The following TMEM117 variants were observed in gnomAD, a reference collection of about 807,000 sequenced individuals.
TMEM117 encodes the protein transmembrane protein 117.
Under a neutral mutation model 52.4 loss-of-function variants are expected in TMEM117, and 27 were observed. The observed-to-expected ratio is 0.51, with a 90% CI of 0.38 to 0.71. The LOEUF is 0.71. Ranked by LOEUF, TMEM117 falls within the 30% of genes least tolerant of loss-of-function variation. The probability of loss-of-function intolerance (pLI) is 0.00; values close to 1 mark genes in which losing one functional copy is unlikely to be tolerated. For synonymous variants in TMEM117, 215 were observed against 206.3 expected (o/e 1.04, Z -0.36); for missense variants, 556 against 630.5 (o/e 0.88, Z 1.26).
chr12:44,106,178 G>C (rs1047909756), intron 3 of TMEM117, among the ~76,000 whole-genome samples: 1 of 152,072 alleles, frequency 6.6e-6, no homozygotes, highest in Non-Finnish European at 1.5e-5. Flanking sequence ...AATCCAAGAA[G>C]AGTTGTTGAT....
intron 2 of TMEM117, among the ~76,000 whole-genome samples, chr12:43,894,480 G>A (rs978371662): frequency 6.6e-6 from 1 of 151,946 alleles, no homozygotes; most frequent in African/African-American, 2.4e-5. Flanking sequence ...GGGGTTGGTT[G>A]TACAGATTAT....
intron 3 of TMEM117, among the ~76,000 whole-genome samples, chr12:43,976,949 C>T (rs1404275434): frequency 6.6e-6 from 1 of 152,028 alleles, no homozygotes; most frequent in Non-Finnish European, 1.5e-5. Flanking sequence ...TTACTTGGCA[C>T]CTCAGTTCAA....
At chr12:44,102,386 G>A (rs1483067197) in intron 3 of TMEM117, among the ~76,000 whole-genome samples, 1 of 151,996 alleles carries the variant, frequency 6.6e-6, no homozygotes, top group Non-Finnish European at 1.5e-5. Flanking sequence ...CCTGAATGTG[G>A]AGAAGTGAGT....
intron 4 of TMEM117, among the ~76,000 whole-genome samples, chr12:44,171,165 G>A (rs925121262): frequency 2.2e-4 from 33 of 151,802 alleles, no homozygotes; most frequent in African/African-American, 6.8e-4. Context: ...ACAGGCGCCC[G>A]CCACTACGCC....
chr12:44,146,859 A>G (rs547397439), intron 4 of TMEM117, among the ~76,000 whole-genome samples: 26 of 152,306 alleles, frequency 1.7e-4, no homozygotes, highest in African/African-American at 5.8e-4. Context: ...TCTGAAATGG[A>G]GGATTTTTCT....
chr12:44,217,483 C>T (rs188708503), intron 5 of TMEM117, among the ~76,000 whole-genome samples: 1 of 152,282 alleles, frequency 6.6e-6, no homozygotes, highest in Admixed American at 6.5e-5. Flanking sequence ...TTCTTCATTT[C>T]CCCTGCTGTC....
At chr12:44,344,731 G>A (rs1328039655) in intron 6 of TMEM117, among the ~76,000 whole-genome samples, 1 of 151,970 alleles carries the variant, frequency 6.6e-6, no homozygotes. Flanking sequence ...AAACTGTTGG[G>A]GACAGAGTCC....
chr12:43,991,253 G>C (rs1171937546), intron 3 of TMEM117, among the ~76,000 whole-genome samples: 1 of 152,160 alleles, frequency 6.6e-6, no homozygotes, highest in Non-Finnish European at 1.5e-5. Context: ...CGGAATGTTA[G>C]TATTATTAGG....
At chr12:44,111,783 A>G (rs954317597) in intron 3 of TMEM117, among the ~76,000 whole-genome samples, 2 of 142,696 alleles carry the variant, frequency 1.4e-5, no homozygotes, top group Non-Finnish European at 3.0e-5. Context: ...TGTCTTGTTG[A>G]TCTGTCTAAC....
At chr12:44,371,462 C>G (rs1358116897) in intron 6 of TMEM117, among the ~76,000 whole-genome samples, 1 of 152,184 alleles carries the variant, frequency 6.6e-6, no homozygotes. Flanking sequence ...CTAATCTAAT[C>G]TATCTCTTAA....
chr12:43,929,865 C>G (rs554825039), intron 2 of TMEM117, among the ~76,000 whole-genome samples: 15 of 152,240 alleles, frequency 9.9e-5, no homozygotes, highest in African/African-American at 3.6e-4. Context: ...TAATGCCAAT[C>G]TTTGCACCAT....
chr12:44,036,743 A>G (rs552742662), intron 3 of TMEM117, among the ~76,000 whole-genome samples: 1 of 152,208 alleles, frequency 6.6e-6, no homozygotes, highest in Non-Finnish European at 1.5e-5. Flanking sequence ...CTAGGAGTCA[A>G]ATTCTAAGGT....
intron 3 of TMEM117, among the ~76,000 whole-genome samples, chr12:44,012,955 G>C (rs1276043821): frequency 6.6e-6 from 1 of 151,950 alleles, no homozygotes; most frequent in Non-Finnish European, 1.5e-5. Context: ...GGTAGGGTGT[G>C]GGGGGAGGGG....
intron 5 of TMEM117, among the ~76,000 whole-genome samples, chr12:44,244,746 C>T (rs558279177): frequency 1.3e-5 from 2 of 151,838 alleles, no homozygotes; most frequent in East Asian, 3.9e-4. Flanking sequence ...AACTGGTGAT[C>T]GTATACAAAA....
At chr12:44,071,787 G>A (rs1313270191) in intron 3 of TMEM117, among the ~76,000 whole-genome samples, 2 of 152,146 alleles carry the variant, frequency 1.3e-5, no homozygotes, top group African/African-American at 2.4e-5. Context: ...GGCATGTGTT[G>A]TGGCCTGGTT....
chr12:44,358,079 C>A (rs887002968), intron 6 of TMEM117, among the ~76,000 whole-genome samples: 1 of 152,070 alleles, frequency 6.6e-6, no homozygotes, highest in African/African-American at 2.4e-5. Context: ...AACAGGAAAC[C>A]AAATACCACA....
chr12:44,301,239 C>G (rs1950835856), intron 6 of TMEM117, among the ~76,000 whole-genome samples: 4 of 152,052 alleles, frequency 2.6e-5, no homozygotes, highest in Admixed American at 2.6e-4. Context: ...TCACTAAAAT[C>G]AAGGACTTCA....
the TMEM117 span, chr12:43,796,845 G>A: frequency 1.1e-6 from 1 of 939,268 alleles, no homozygotes; most frequent in South Asian, 1.6e-5. Context: ...ACTTAGAGGA[G>A]ATCCTAAGGA....
At chr12:44,223,779 C>T (rs1949822244) in intron 5 of TMEM117, among the ~76,000 whole-genome samples, 1 of 152,166 alleles carries the variant, frequency 6.6e-6, no homozygotes, top group Admixed American at 6.6e-5. Context: ...TACAGGCTGA[C>T]TTGTGAGGTC....
Sources: gnomAD v4.1 joint callset for allele counts (sites outside exome capture counted in the v4.1 genomes callset) on GRCh38, gnomAD v4.1.1 for gene constraint, MANE v1.5 for transcripts, NCBI Gene and HGNC (gene_info 2026-07-23, HGNC 2026-07-21) for gene names.